The following NCOA2 variants were observed in gnomAD, a reference collection of about 807,000 sequenced individuals.
The protein encoded by NCOA2 is class E basic helix-loop-helix protein 75.
In NCOA2, 21 loss-of-function variants were observed where a neutral mutation model predicts 145.1. The ratio of observed to expected loss-of-function variants is 0.14; its 90% CI spans 0.10 to 0.21. The LOEUF is 0.21. NCOA2 is among the 10% of genes least tolerant of loss of function. The probability of loss-of-function intolerance (pLI) is 1.00; values close to 1 mark genes in which losing one functional copy is unlikely to be tolerated. For missense variants in NCOA2, 1,472 were observed against 1,837.6 expected (o/e 0.80, Z 3.64); for synonymous variants, 619 against 637.5 (o/e 0.97, Z 0.44).
chr8:70,433,367 C>A, the NCOA2 span, among the ~76,000 whole-genome samples: 1 of 151,612 alleles, frequency 6.6e-6, no homozygotes, highest in African/African-American at 2.4e-5. Context: ...GAGGAGTCCA[C>A]TTTAGGTAGG....
chr8:70,236,423 A>T lies in NCOA2; in HGVS notation c.-19-19659T>A, dbSNP rs577830167. Among the ~76,000 whole-genome samples, 4 of 152,182 alleles carry T rather than the reference A, an allele frequency of 2.6e-5. No homozygotes were observed. The South Asian group carries it at 8.3e-4, about 32-fold the overall frequency. ...TTTTCTGTTTGCCCGGGAACTATAA[A>T]TGCACATGGTTCCTCACTTACTACA... On this transcript the variant is annotated intron_variant, in intron 2 of 22. Transcript: ENST00000452400.
At chr8:70,256,421 G>A (rs1478826624) in intron 2 of NCOA2, among the ~76,000 whole-genome samples, 1 of 152,172 alleles carries the variant, frequency 6.6e-6, no homozygotes, top group Non-Finnish European at 1.5e-5. Context: ...GAAGATTTGG[G>A]ACCACAGCTG....
intron 16 of NCOA2, among the ~76,000 whole-genome samples, chr8:70,131,436 T>G (rs1460863624): frequency 6.6e-6 from 1 of 152,176 alleles, no homozygotes; most frequent in Non-Finnish European, 1.5e-5. Context: ...CCCACAGGTG[T>G]GAAATGAATA....
intron 2 of NCOA2, among the ~76,000 whole-genome samples, chr8:70,255,104 A>G (rs908386769): frequency 2.0e-5 from 3 of 152,218 alleles, no homozygotes; most frequent in East Asian, 1.9e-4. Flanking sequence ...CCTCTGACCC[A>G]TAAGGAGAGA....
intron 4 of NCOA2, among the ~76,000 whole-genome samples, chr8:70,189,968 A>AAG (rs1816503798): frequency 6.6e-6 from 1 of 152,228 alleles, no homozygotes; most frequent in Admixed American, 6.5e-5. Flanking sequence ...TTCACTAAGA[A>AAG]TGCTTTCATC....
intron 1 of NCOA2, among the ~76,000 whole-genome samples, chr8:70,336,861 G>A (rs561152384): frequency 3.3e-5 from 5 of 152,148 alleles, no homozygotes; most frequent in South Asian, 4.1e-4. Context: ...ATGGACACCC[G>A]GGTTGCTTCT....
At chr8:70,193,412 G>T (rs1036555172) in intron 4 of NCOA2, among the ~76,000 whole-genome samples, 1 of 152,116 alleles carries the variant, frequency 6.6e-6, no homozygotes, top group Non-Finnish European at 1.5e-5. Context: ...AGAAAGCATG[G>T]AAGTGAGGGA....
intron 2 of NCOA2, among the ~76,000 whole-genome samples, chr8:70,252,440 T>C (rs1452678333): frequency 6.6e-6 from 1 of 152,126 alleles, no homozygotes; most frequent in African/African-American, 2.4e-5. Context: ...AATAAAACGT[T>C]AGAGGGAATG....
At chr8:70,292,956 G>A (rs1157806290) in intron 2 of NCOA2, among the ~76,000 whole-genome samples, 1 of 152,166 alleles carries the variant, frequency 6.6e-6, no homozygotes, top group Admixed American at 6.5e-5. Context: ...TCCGTTCTGC[G>A]TATTAAGTGC....
intron 2 of NCOA2, among the ~76,000 whole-genome samples, chr8:70,234,540 C>A (rs905917088): frequency 1.3e-5 from 2 of 151,628 alleles, no homozygotes; most frequent in Non-Finnish European, 2.9e-5. Flanking sequence ...TTTTTGTTTT[C>A]TTTTTAAGTT....
chr8:70,360,405 CT>C (rs1473179725), intron 1 of NCOA2, among the ~76,000 whole-genome samples: 1 of 152,102 alleles, frequency 6.6e-6, no homozygotes, highest in Admixed American at 6.5e-5. Flanking sequence ...AAATTAAATG[CT>C]ATTCTACAAG....
intron 1 of NCOA2, among the ~76,000 whole-genome samples, chr8:70,344,279 C>G (rs1808400889): frequency 6.6e-6 from 1 of 152,134 alleles, no homozygotes; most frequent in Non-Finnish European, 1.5e-5. Flanking sequence ...GGCTGAAGAC[C>G]AGATGGGGAC....
At chr8:70,246,994 T>C (rs1822687982) in intron 2 of NCOA2, among the ~76,000 whole-genome samples, 1 of 152,176 alleles carries the variant, frequency 6.6e-6, no homozygotes, top group Non-Finnish European at 1.5e-5. Context: ...ATTATTATCA[T>C]ATAAAAGTTA....
intron 4 of NCOA2, among the ~76,000 whole-genome samples, chr8:70,178,124 A>G (rs1347071169): frequency 6.6e-6 from 1 of 152,240 alleles, no homozygotes; most frequent in African/African-American, 2.4e-5. Context: ...AGGTTCCTCA[A>G]CACTGCTAAG....
intron 9 of NCOA2, among the ~76,000 whole-genome samples, chr8:70,160,682 G>GAGAGAGAGGGA (rs371258460): frequency 0.11 from 6,401 of 57,964 alleles, 207 homozygotes; most frequent in East Asian, 0.26. Flanking sequence ...AGAGAGAGAG[G>GAGAGAGAGGGA]GAGAGAGAGA....
chr8:70,334,941 C>T (rs1412495807), intron 1 of NCOA2, among the ~76,000 whole-genome samples: 3 of 151,462 alleles, frequency 2.0e-5, no homozygotes, highest in African/African-American at 4.9e-5. Flanking sequence ...CTGACCGACA[C>T]GGTGAAACCC....
At chr8:70,354,686 C>T (rs761906561) in intron 1 of NCOA2, among the ~76,000 whole-genome samples, 1 of 152,102 alleles carries the variant, frequency 6.6e-6, no homozygotes, top group African/African-American at 2.4e-5. Context: ...GGAAAATACT[C>T]GTATCTCTTA....
intron 7 of NCOA2, among the ~76,000 whole-genome samples, chr8:70,164,839 T>C (rs904300666): frequency 4.0e-5 from 6 of 151,756 alleles, no homozygotes; most frequent in Admixed American, 6.6e-5. Context: ...TTCTAGCTAC[T>C]GTATGAGTTA....
chr8:70,315,158 T>C (rs1417069477), intron 1 of NCOA2, among the ~76,000 whole-genome samples: 1 of 152,246 alleles, frequency 6.6e-6, no homozygotes, highest in Non-Finnish European at 1.5e-5. Context: ...ATGATGCTGA[T>C]GATACAAAAG....
Sources: gnomAD v4.1 joint callset for allele counts (sites outside exome capture counted in the v4.1 genomes callset) on GRCh38, gnomAD v4.1.1 for gene constraint, MANE v1.5 for transcripts, NCBI Gene and HGNC (gene_info 2026-07-23, HGNC 2026-07-21) for gene names.